GPD2: variants seen among roughly 807,000 people sequenced by gnomAD.
The protein encoded by GPD2 is glycerol-3-phosphate dehydrogenase, mitochondrial.
GPD2 carries 54 observed loss-of-function variants against 82.4 expected under a neutral mutation model. The observed-to-expected ratio is 0.66, with a 90% CI of 0.53 to 0.82. The LOEUF (loss-of-function observed/expected upper bound fraction) is 0.82, where lower values mean the gene tolerates loss of function less well. Ranked by LOEUF, GPD2 falls within the 40% of genes least tolerant of loss-of-function variation. GPD2 has a pLI of 0.00. For synonymous variants in GPD2, 288 were observed against 306.1 expected (o/e 0.94, Z 0.62); for missense variants, 748 against 896.2 (o/e 0.83, Z 2.11).
At chr2:156,424,800 C>A in the GPD2 span, among the ~76,000 whole-genome samples, 2 of 152,164 alleles carry the variant, frequency 1.3e-5, no homozygotes, top group Admixed American at 6.5e-5. Context: ...GGGCTTAATT[C>A]CCCCATGACA....
chr2:156,571,422 T>C (rs1020795021), intron 13 of GPD2, 130 bp downstream of exon 13: 1 of 546,090 alleles, frequency 1.8e-6, no homozygotes. Flanking sequence ...TGTGTGTGTT[T>C]AATATTGTTA....
the GPD2 span, among the ~76,000 whole-genome samples, chr2:156,416,033 AAAC>A: frequency 2.0e-5 from 2 of 98,646 alleles, no homozygotes; most frequent in African/African-American, 5.9e-5. Flanking sequence ...AAAAAAAAAA[AAAC>A]AAAAACAAAA....
chr2:156,530,633 A>T (rs1390690194), intron 6 of GPD2, among the ~76,000 whole-genome samples: 1 of 152,032 alleles, frequency 6.6e-6, no homozygotes, highest in Non-Finnish European at 1.5e-5. Flanking sequence ...GAGAGTTTTT[A>T]GCATGAAGCG....
chr2:156,477,702 G>T (rs1683562469), intron 2 of GPD2, among the ~76,000 whole-genome samples: 1 of 152,178 alleles, frequency 6.6e-6, no homozygotes, highest in Non-Finnish European at 1.5e-5. Context: ...TGGGTTCATA[G>T]TGGAGTTTTG....
intron 6 of GPD2, among the ~76,000 whole-genome samples, chr2:156,546,265 C>A (rs963207261): frequency 6.6e-6 from 1 of 152,174 alleles, no homozygotes; most frequent in Non-Finnish European, 1.5e-5. Flanking sequence ...AAGGAAACAG[C>A]TTTGAAAATC....
the GPD2 span, among the ~76,000 whole-genome samples, chr2:156,400,768 G>A: frequency 1.3e-5 from 2 of 152,198 alleles, no homozygotes; most frequent in African/African-American, 2.4e-5. Context: ...GCTTTCGGCT[G>A]GGGGATGTAG....
chr2:156,560,393 T>C (rs1218027149), intron 9 of GPD2, among the ~76,000 whole-genome samples: 4 of 152,198 alleles, frequency 2.6e-5, no homozygotes, highest in Non-Finnish European at 5.9e-5. Context: ...TTCTGATGTT[T>C]GATAAGAGTG....
chr2:156,570,758 A>G (rs1482098085), intron 12 of GPD2, among the ~76,000 whole-genome samples: 1 of 152,206 alleles, frequency 6.6e-6, no homozygotes, highest in Non-Finnish European at 1.5e-5. Flanking sequence ...AGGTGAGATC[A>G]TAACTTTTTG....
intron 6 of GPD2, 29 bp downstream of exon 6, chr2:156,513,525 A>G (rs767288217): frequency 6.5e-7 from 1 of 1,538,138 alleles, no homozygotes; most frequent in Non-Finnish European, 9.0e-7. Flanking sequence ...TTTTTTCCTC[A>G]CAAGATACTT....
chr2:156,568,995 T>TC, intron 10 of GPD2, 36 bp downstream of exon 10: 2 of 1,554,864 alleles, frequency 1.3e-6, no homozygotes, highest in African/African-American at 1.4e-5. Context: ...CTTTTCTTTT[T>TC]TTTTTTTTTT....
the GPD2 span, among the ~76,000 whole-genome samples, chr2:156,407,363 A>G: frequency 6.6e-6 from 1 of 152,196 alleles, no homozygotes; most frequent in African/African-American, 2.4e-5. Flanking sequence ...GGTACATACT[A>G]TACATACTGT....
At chr2:156,499,894 G>A (rs899958633) in intron 3 of GPD2, among the ~76,000 whole-genome samples, 6 of 150,950 alleles carry the variant, frequency 4.0e-5, no homozygotes, top group African/African-American at 1.5e-4. Flanking sequence ...AGTAAGATGT[G>A]GCCTTGATTT....
intron 9 of GPD2, among the ~76,000 whole-genome samples, chr2:156,568,223 G>C (rs569775297): frequency 1.2e-3 from 180 of 152,188 alleles, no homozygotes; most frequent in African/African-American, 4.2e-3. Context: ...TCTGTTTTCT[G>C]ATCTGTATGG....
chr2:156,436,187 C>T (rs1688422352), upstream of GPD2, among the ~76,000 whole-genome samples: 1 of 152,250 alleles, frequency 6.6e-6, no homozygotes, highest in South Asian at 2.1e-4. Context: ...GGTTCCCGCC[C>T]CCACTTCCGC....
In GPD2 at chr2:156,439,488, G is replaced by A. The variant is rs534797715; in HGVS notation, c.-9+2975G>A. Among the ~76,000 whole-genome samples the A allele has an allele frequency of 1.9e-3, 212 of 114,492 alleles. 1 individual carries two copies. The highest frequency in any genetic ancestry group is 6.3e-3 in the African/African-American group (192 of 30,416). 75.1% of individuals were successfully genotyped at this position (114,492 alleles called of 152,430 possible). Reference sequence around the variant, plus strand: ...TCCCAGCTACTTAGGAGGCCAAAACGTGAGAATTGCTTGAGACTGTCTCAG... The same window carrying A: ...TCCCAGCTACTTAGGAGGCCAAAACATGAGAATTGCTTGAGACTGTCTCAG... On this transcript the variant is annotated intron_variant, in intron 1 of 16. Coordinates refer to ENST00000438166, the MANE Select transcript of GPD2 (RefSeq NM_000408.5).
intron 1 of GPD2, among the ~76,000 whole-genome samples, chr2:156,475,059 A>C (rs940189748): frequency 2.6e-5 from 4 of 152,096 alleles, no homozygotes; most frequent in African/African-American, 9.7e-5. Flanking sequence ...ATAGTTTGCT[A>C]TGATTGAGCC....
the GPD2 span, among the ~76,000 whole-genome samples, chr2:156,410,600 G>A: frequency 6.6e-6 from 1 of 152,098 alleles, no homozygotes; most frequent in African/African-American, 2.4e-5. Context: ...TGAACTCCTA[G>A]ACTCAAGCAA....
chr2:156,480,556 C>T (rs186709723), intron 2 of GPD2, among the ~76,000 whole-genome samples: 1 of 151,968 alleles, frequency 6.6e-6, no homozygotes, highest in Non-Finnish European at 1.5e-5. Context: ...AAAATCTATT[C>T]GGGTCAGAAG....
chr2:156,402,187 C>T, the GPD2 span, among the ~76,000 whole-genome samples: 13 of 152,280 alleles, frequency 8.5e-5, no homozygotes, highest in African/African-American at 2.9e-4. Flanking sequence ...CAGCCTACAA[C>T]AGAATAGGTC....
Sources: gnomAD v4.1 joint callset for allele counts (sites outside exome capture counted in the v4.1 genomes callset) on GRCh38, gnomAD v4.1.1 for gene constraint, MANE v1.5 for transcripts, NCBI Gene and HGNC (gene_info 2026-07-23, HGNC 2026-07-21) for gene names.